ATXN1: variants seen among roughly 807,000 people sequenced by gnomAD.
ATXN1 encodes the protein ataxin-1.
Under a neutral mutation model 56.4 loss-of-function variants are expected in ATXN1, and 8 were observed. The ratio of observed to expected loss-of-function variants is 0.14; its 90% CI spans 0.08 to 0.26. The LOEUF is 0.26. Ranked by LOEUF, ATXN1 falls within the 10% of genes least tolerant of loss-of-function variation. The pLI, the probability that ATXN1 is intolerant of heterozygous loss-of-function variation, is 1.00. For missense variants in ATXN1, 987 were observed against 1,106.5 expected (o/e 0.89, Z 1.53); for synonymous variants, 514 against 494.6 (o/e 1.04, Z -0.52).
chr6:16,708,945 G>A (rs1448946910), intron 2 of ATXN1, among the ~76,000 whole-genome samples: 1 of 151,604 alleles, frequency 6.6e-6, no homozygotes, highest in African/African-American at 2.4e-5. Flanking sequence ...AGAATCACTT[G>A]AACCCAGGGA....
chr6:16,323,969 C>T (rs926947394), intron 7 of ATXN1, among the ~76,000 whole-genome samples: 1 of 151,736 alleles, frequency 6.6e-6, no homozygotes, highest in Admixed American at 6.6e-5. Flanking sequence ...GGAAATCTTT[C>T]TTGGGCCCTT....
chr6:16,309,152 C>A (rs1302619806), intron 7 of ATXN1, among the ~76,000 whole-genome samples: 1 of 150,594 alleles, frequency 6.6e-6, no homozygotes, highest in Non-Finnish European at 1.5e-5. Context: ...ATCTTGAGCC[C>A]AGGAGTTAGA....
At chr6:16,494,973 G>A (rs1252498974) in intron 5 of ATXN1, among the ~76,000 whole-genome samples, 2 of 152,198 alleles carry the variant, frequency 1.3e-5, no homozygotes, top group Non-Finnish European at 2.9e-5. Flanking sequence ...GTTGCCATGA[G>A]TCATCACGCA....
At chr6:16,746,816 G>C (rs1426418423) in intron 2 of ATXN1, among the ~76,000 whole-genome samples, 2 of 152,140 alleles carry the variant, frequency 1.3e-5, no homozygotes, top group East Asian at 1.9e-4. Context: ...ATGTTTGACA[G>C]AAGCAAAGGT....
At chr6:16,476,794 T>G (rs994282722) in intron 6 of ATXN1, among the ~76,000 whole-genome samples, 3 of 152,162 alleles carry the variant, frequency 2.0e-5, no homozygotes, top group Non-Finnish European at 4.4e-5. Flanking sequence ...TTCTTTCAAT[T>G]CCAGTCCCAG....
At chr6:16,416,826 T>C (rs1758919240) in intron 6 of ATXN1, among the ~76,000 whole-genome samples, 1 of 152,208 alleles carries the variant, frequency 6.6e-6, no homozygotes, top group South Asian at 2.1e-4. Context: ...AGTAGGCCTT[T>C]AGTTTCCATA....
chr6:16,342,515 G>A (rs1424891419), intron 6 of ATXN1, among the ~76,000 whole-genome samples: 2 of 152,062 alleles, frequency 1.3e-5, no homozygotes, highest in African/African-American at 2.4e-5. Flanking sequence ...GCAATTCCAC[G>A]TCTGGATATC....
rs1760888355 is a variant in ATXN1, at chr6:16,328,048, G to C, written c.263C>G (p.Ser88Cys). The C allele has an allele frequency of 6.2e-7, 1 of 1,613,576 alleles. No homozygotes were observed. The highest frequency in any genetic ancestry group is 1.3e-5 in the African/African-American group (1 of 74,922). ...HKALSTGLDY[S>C]PPSAPRSVPV... is the part of the protein sequence containing the mutation. ...GACAGACCTGGGAGCGCTGGGCGGG[G>C]AGTAGTCCAGCCCTGTGGACAATGC... The change falls in exon 7 of 8, where the codon TCC becomes TGC. Residue 88 changes from serine to cysteine, a missense_variant. By Grantham distance (112) the Ser-to-Cys change is moderately radical. Around this residue, in one of 3 missense-constraint regions of ATXN1, gnomAD observed 723 missense variants for 791.7 expected, o/e 0.91. Coordinates refer to ENST00000436367, the MANE Select transcript of ATXN1 (RefSeq NM_001128164.2). This position sits in a 1 kb window ranked among gnomAD's most constrained non-coding sequence, Gnocchi z 6.2.
intron 6 of ATXN1, among the ~76,000 whole-genome samples, chr6:16,347,886 G>A (rs901751807): frequency 1.3e-5 from 2 of 152,144 alleles, no homozygotes; most frequent in African/African-American, 4.8e-5. Flanking sequence ...TGTTCTTTTT[G>A]TCTTTGCAAT....
Position 16,593,503 on chromosome 6 carries a change from G to A in ATXN1, c.-488-7596C>T, listed in dbSNP as rs189987942. Reference sequence around the variant, plus strand: ...AGAATAAAATGAACAGGCATACACCGACCACCCTATTTGAGAACTAGACAT... The same window carrying A: ...AGAATAAAATGAACAGGCATACACCAACCACCCTATTTGAGAACTAGACAT... On this transcript the variant is annotated intron_variant, in intron 3 of 7. Coordinates refer to ENST00000436367, the MANE Select transcript of ATXN1 (RefSeq NM_001128164.2). Among the ~76,000 whole-genome samples, 741 of 152,152 alleles carry A rather than the reference G, an allele frequency of 4.9e-3. 3 individuals carry two copies. The highest frequency in any genetic ancestry group is 5.5e-3 in the Non-Finnish European group (376 of 68,006).
chr6:16,417,737 C>A (rs1758943472), intron 6 of ATXN1, among the ~76,000 whole-genome samples: 1 of 152,082 alleles, frequency 6.6e-6, no homozygotes, highest in Admixed American at 6.6e-5. Context: ...CACACGTGGC[C>A]ACAACTTTTT....
intron 6 of ATXN1, among the ~76,000 whole-genome samples, chr6:16,365,450 T>C (rs1050719328): frequency 2.0e-5 from 3 of 152,222 alleles, no homozygotes; most frequent in African/African-American, 7.2e-5. Context: ...AGTGCTGGGA[T>C]TACAGGCATT....
At chr6:16,593,081 G>C (rs1409271605) in intron 3 of ATXN1, among the ~76,000 whole-genome samples, 1 of 152,046 alleles carries the variant, frequency 6.6e-6, no homozygotes, top group Non-Finnish European at 1.5e-5. Flanking sequence ...TTTTTACAGA[G>C]CACTGATTGG....
chr6:16,731,753 C>G, intron 2 of ATXN1, among the ~76,000 whole-genome samples: 1 of 151,760 alleles, frequency 6.6e-6, no homozygotes, highest in South Asian at 2.1e-4. Context: ...TTTCCTTCTC[C>G]GCCTCTTTCT....
intron 3 of ATXN1, among the ~76,000 whole-genome samples, chr6:16,593,710 T>C (rs1397397723): frequency 6.6e-6 from 1 of 152,022 alleles, no homozygotes; most frequent in Non-Finnish European, 1.5e-5. Context: ...TTGTGACTAG[T>C]TTTTTTCACA....
intron 3 of ATXN1, among the ~76,000 whole-genome samples, chr6:16,594,191 A>C (rs1762774616): frequency 1.3e-5 from 2 of 150,136 alleles, no homozygotes; most frequent in South Asian, 4.2e-4. Flanking sequence ...CGACCTTTAA[A>C]ATTTTTTCAG....
Position 16,753,241 on chromosome 6 carries a change from T to C in ATXN1, c.-623A>G. ...CATCGCAAAACTCTCACCTGACATG[T>C]GATGCACTTCCCTGTAGTGGCAGTG... is the stretch of plus-strand genomic sequence containing the variant. On this transcript the variant is annotated 5_prime_UTR_variant, in exon 2 of 8. Coordinates refer to ENST00000436367, the MANE Select transcript of ATXN1 (RefSeq NM_001128164.2). 1 of 456,600 alleles carries C rather than the reference T, an allele frequency of 2.2e-6. No homozygotes were observed. Among genetic ancestry groups the C allele is most frequent in the Non-Finnish European group, 4.4e-6 (1 of 226,970 alleles). 28.3% of individuals were successfully genotyped at this position (456,600 alleles called of 1,614,324 possible). A position where few individuals can be genotyped will look rare whatever the true frequency, so the allele number is the denominator to read the frequency against.
At chr6:16,612,384 A>T (rs1306883147) in intron 3 of ATXN1, among the ~76,000 whole-genome samples, 3 of 152,188 alleles carry the variant, frequency 2.0e-5, no homozygotes, top group African/African-American at 7.2e-5. Context: ...AATAGACAGA[A>T]GTGTAAACAA....
chr6:16,371,522 A>G (rs938948943), intron 6 of ATXN1, among the ~76,000 whole-genome samples: 24 of 152,112 alleles, frequency 1.6e-4, no homozygotes, highest in Admixed American at 3.3e-4. Flanking sequence ...TCTTAAAAAA[A>G]AGAAACCAAT....
Sources: allele counts gnomAD v4.1 joint callset (sites outside exome capture counted in the v4.1 genomes callset), GRCh38; gene constraint gnomAD v4.1.1; regional missense constraint gnomAD v4.1.1; non-coding constraint Gnocchi (gnomAD v3.1); transcripts MANE v1.5; gene names NCBI Gene and HGNC (gene_info 2026-07-23, HGNC 2026-07-21).